Variants in KIAA0408 observed in about 807,000 individuals in gnomAD.
KIAA0408 encodes the protein KIAA0408.
A neutral mutation model predicts 60.9 loss-of-function variants in KIAA0408; 51 were observed. The observed-to-expected ratio is 0.84, with a 90% CI of 0.67 to 1.06. The LOEUF is 1.06. Ranked by LOEUF, KIAA0408 falls within the 50% of genes least tolerant of loss-of-function variation. The pLI, the probability that KIAA0408 is intolerant of heterozygous loss-of-function variation, is 0.00. For synonymous variants in KIAA0408, 304 were observed against 282.4 expected (o/e 1.08, Z -0.77); for missense variants, 787 against 833.9 (o/e 0.94, Z 0.69).
chr6:127,444,059 T>C lies in KIAA0408; in HGVS notation c.*50A>G, dbSNP rs758460119. 5 of 1,572,870 alleles carry C rather than the reference T, an allele frequency of 3.2e-6. No homozygotes were observed. Among genetic ancestry groups the C allele is most frequent in the Non-Finnish European group, 4.4e-6 (5 of 1,145,196 alleles). On this transcript the variant is annotated 3_prime_UTR_variant, in exon 6 of 6. Transcript: ENST00000483725. ...CCTGTAAACACTCAGAATGCTCTGT[T>C]TGACAAGTGGGACTAGAACTTCTGT...
At chr6:127,451,758 T>A (rs1469952019) in intron 2 of KIAA0408, among the ~76,000 whole-genome samples, 2 of 152,188 alleles carry the variant, frequency 1.3e-5, no homozygotes, top group Admixed American at 6.5e-5. Flanking sequence ...ATTTTTGTTT[T>A]TGCATATTTT....
At chr6:127,446,314 C>T in intron 5 of KIAA0408, 94 bp downstream of exon 5, 1 of 1,512,832 alleles carries the variant, frequency 6.6e-7, no homozygotes, top group South Asian at 1.3e-5. Context: ...AAACTTGTGC[C>T]CTCATTCTAT....
chr6:127,456,081 G>A (rs1773387619), intron 1 of KIAA0408, among the ~76,000 whole-genome samples: 1 of 152,156 alleles, frequency 6.6e-6, no homozygotes, highest in South Asian at 2.1e-4. Flanking sequence ...TAACTGTGTG[G>A]TGAAACTACC....
At chr6:127,458,293 T>C (rs1181541423) in intron 1 of KIAA0408, among the ~76,000 whole-genome samples, 1 of 152,224 alleles carries the variant, frequency 6.6e-6, no homozygotes, top group East Asian at 1.9e-4. Flanking sequence ...TCACTTGCAA[T>C]TGAATCTTTC....
Position 127,450,185 on chromosome 6 carries a change from C to G in KIAA0408, c.303G>C (p.Leu101=). Residue 101 remains leucine, a synonymous_variant, in exon 3 of 6, where the codon CTG becomes CTC. Coordinates refer to ENST00000483725, the MANE Select transcript of KIAA0408 (RefSeq NM_014702.5). ...EFIRTNHKDG[L]RKENKREQSL... is the part of the protein sequence containing the mutation. ...TCTGCTCTCTTTTATTTTCTTTTCT[C>G]AGACCATCTTTGTGATTCGTCCTTA... 6 of 1,614,032 alleles carry G rather than the reference C, an allele frequency of 3.7e-6. No individual in the cohort carries two copies. The highest frequency in any genetic ancestry group is 5.1e-6 in the Non-Finnish European group (6 of 1,179,990).
chr6:127,448,007 G>C (rs1486658636), intron 4 of KIAA0408, among the ~76,000 whole-genome samples: 2 of 152,150 alleles, frequency 1.3e-5, no homozygotes, highest in African/African-American at 4.8e-5. Context: ...TATTACCTGA[G>C]ACTTCACCTA....
chr6:127,458,446 C>T (rs767621060), intron 1 of KIAA0408, among the ~76,000 whole-genome samples: 2 of 152,132 alleles, frequency 1.3e-5, no homozygotes, highest in Admixed American at 6.6e-5. Context: ...TCAACTTTAC[C>T]GTTTCATTTA....
At position 127,440,160 on chromosome 6, in the gene KIAA0408, T is replaced by G. The variant is rs796442011; in HGVS notation, c.*3949A>C. The G allele has an allele frequency of 6.6e-6, 1 of 152,134 alleles. No homozygotes were observed. Among genetic ancestry groups the G allele is most frequent in the African/African-American group, 2.4e-5 (1 of 41,422 alleles). The allele number at this position is 152,134 out of a possible 1,614,324, so 9.4% of individuals were successfully genotyped here. A position where few individuals can be genotyped will look rare whatever the true frequency, so the allele number is the denominator to read the frequency against. Reference sequence around the variant, plus strand: ...ATTTTATTCCCAATAAAACAAAAAATTATTTTCTATGATGAATATGCATAC... The same window carrying G: ...ATTTTATTCCCAATAAAACAAAAAAGTATTTTCTATGATGAATATGCATAC... On this transcript the variant is annotated 3_prime_UTR_variant, in exon 6 of 6. Coordinates refer to ENST00000483725, the MANE Select transcript of KIAA0408 (RefSeq NM_014702.5).
chr6:127,446,370 A>G, intron 5 of KIAA0408, 38 bp downstream of exon 5: 1 of 1,571,280 alleles, frequency 6.4e-7, no homozygotes, highest in Non-Finnish European at 8.6e-7. Flanking sequence ...CATTGCTAAT[A>G]TGGATGCTAC....
rs752602386 is a variant in KIAA0408, at chr6:127,446,843, G to A, written c.1476C>T (p.Ser492=). ...TGSISQSNDV[S]GIWKTNAHMP... Reference sequence around the variant, plus strand: ...TGTGGGCATTGGTTTTCCAAATACCGGACACATCGTTACTTTGTGATATGC... The same window carrying A: ...TGTGGGCATTGGTTTTCCAAATACCAGACACATCGTTACTTTGTGATATGC... Residue 492 remains serine (S), a synonymous_variant, in exon 5 of 6, where the codon TCC becomes TCT. Transcript: ENST00000483725. 8 of 1,613,706 alleles carry A rather than the reference G, an allele frequency of 5.0e-6. No individual in the cohort carries two copies. Among genetic ancestry groups the A allele is most frequent in the African/African-American group, 1.3e-5 (1 of 74,872 alleles).
intron 1 of KIAA0408, 59 bp downstream of exon 1, chr6:127,459,116 C>T (rs1773444723): frequency 6.6e-6 from 1 of 152,178 alleles, no homozygotes; most frequent in Non-Finnish European, 1.5e-5. Context: ...CAACAGCAGC[C>T]CCTTTGTATC....
chr6:127,441,269 T>C lies in KIAA0408; in HGVS notation c.*2840A>G, dbSNP rs1029393712. 1 of 152,630 alleles carries C rather than the reference T, an allele frequency of 6.6e-6. No individual in the cohort carries two copies. Among genetic ancestry groups the C allele is most frequent in the African/African-American group, 2.4e-5 (1 of 41,452 alleles). 9.5% of individuals were successfully genotyped at this position (152,630 alleles called of 1,614,324 possible). A position where few individuals can be genotyped will look rare whatever the true frequency, so the allele number is the denominator to read the frequency against. On this transcript the variant is annotated 3_prime_UTR_variant, in exon 6 of 6. Coordinates refer to ENST00000483725, the MANE Select transcript of KIAA0408 (RefSeq NM_014702.5). The stretch of plus-strand genomic sequence containing the variant: ...GCCACATCTGCAAAATGAAATATGA[T>C]CATCTTCATTGTCGATATAAAAACA...
intron 2 of KIAA0408, chr6:127,451,356 C>A (rs1436153792): frequency 2.2e-6 from 1 of 454,372 alleles, no homozygotes; most frequent in Non-Finnish European, 4.4e-6. Flanking sequence ...CTAATGCTTA[C>A]AAATGTATTA....
In KIAA0408 at chr6:127,444,298, A is replaced by G; in HGVS notation, c.1912-16T>C. Reference sequence around the variant, plus strand: ...ACATGGATTCCTAGGACACAAGTAAAAACATTCCTCTCACTCTCTGGGTAC... The same window carrying G: ...ACATGGATTCCTAGGACACAAGTAAGAACATTCCTCTCACTCTCTGGGTAC... On this transcript the variant is annotated splice_polypyrimidine_tract_variant and intron_variant, in intron 5 of 5. Coordinates refer to ENST00000483725, the MANE Select transcript of KIAA0408 (RefSeq NM_014702.5). The G allele has an allele frequency of 6.4e-7, 1 of 1,552,110 alleles. No individual in the cohort carries two copies. Among genetic ancestry groups the G allele is most frequent in the Non-Finnish European group, 8.7e-7 (1 of 1,151,144 alleles).
At chr6:127,456,893 T>C (rs1773405503) in intron 1 of KIAA0408, among the ~76,000 whole-genome samples, 1 of 151,944 alleles carries the variant, frequency 6.6e-6, no homozygotes, top group Non-Finnish European at 1.5e-5. Context: ...TGAAAAATAC[T>C]TGGTTCTTGT....
In KIAA0408 at chr6:127,447,511, G is replaced by A; in HGVS notation, c.808C>T (p.Pro270Ser). 4 of 1,611,542 alleles carry A rather than the reference G, an allele frequency of 2.5e-6. No homozygotes were observed. Among genetic ancestry groups the A allele is most frequent in the Non-Finnish European group, 3.4e-6 (4 of 1,179,372 alleles). ...KRNETPPVPP[P>S]RSTSRNFPSS... ...GGAAAATTTCGAGAGGTGCTTCTTG[G>A]AGGAGGAACTGGTGGAGTTTCATTT... The change falls in exon 5 of 6, where the codon CCA becomes TCA. Residue 270 changes from proline (P) to serine (S), a missense_variant. This residue lies in a region of KIAA0408 where 640 missense variants were observed against 681.3 expected (regional missense o/e 0.94). Transcript: ENST00000483725.
At chr6:127,449,394 A>G (rs897040439) in intron 4 of KIAA0408, among the ~76,000 whole-genome samples, 1 of 152,200 alleles carries the variant, frequency 6.6e-6, no homozygotes, top group Admixed American at 6.5e-5. Flanking sequence ...TCACGCCTGT[A>G]ATCCCAGCAC....
In KIAA0408 at chr6:127,447,110, A is replaced by T; in HGVS notation, c.1209T>A (p.Pro403=). The T allele has an allele frequency of 6.2e-7, 1 of 1,613,992 alleles. No individual in the cohort carries two copies. Among genetic ancestry groups the T allele is most frequent in the South Asian group, 1.1e-5 (1 of 91,080 alleles). The change falls in exon 5 of 6, where the codon CCT becomes CCA. Residue 403 remains proline (P), a synonymous_variant. Coordinates refer to ENST00000483725, the MANE Select transcript of KIAA0408 (RefSeq NM_014702.5). ...TACAGTCATTACTTACATGAAGATCAGGATGAGATTTAGCAGGGTGATCTG... is the reference window on the plus strand; with the variant it reads ...TACAGTCATTACTTACATGAAGATCTGGATGAGATTTAGCAGGGTGATCTG... ...VIPDHPAKSH[P]DLHVSNDCSS...
rs752414320 is a variant in KIAA0408, at chr6:127,444,154, G to C, written c.2040C>G (p.Thr680=). ...PSAPPALRRT[T]HNYTISLRSE... is the part of the protein sequence containing the mutation. ...ATCGCAGAGAAATGGTATAGTTGTGGGTAGTTCTCCGCAAGGCAGGGGGTG... is the reference window on the plus strand; with the variant it reads ...ATCGCAGAGAAATGGTATAGTTGTGCGTAGTTCTCCGCAAGGCAGGGGGTG... Residue 680 remains threonine, a synonymous_variant, in exon 6 of 6, where the codon ACC becomes ACG. Coordinates refer to ENST00000483725, the MANE Select transcript of KIAA0408 (RefSeq NM_014702.5). The C allele has an allele frequency of 3.7e-6, 6 of 1,613,994 alleles. No homozygotes were observed. The highest frequency in any genetic ancestry group is 5.1e-6 in the Non-Finnish European group (6 of 1,179,974).
Sources: gnomAD v4.1 joint callset for allele counts (sites outside exome capture counted in the v4.1 genomes callset) on GRCh38, gnomAD v4.1.1 for gene constraint, gnomAD v4.1.1 regional missense constraint, MANE v1.5 for transcripts, NCBI Gene and HGNC (gene_info 2026-07-23, HGNC 2026-07-21) for gene names.